The following ATP8B4 variants were observed in gnomAD, a reference collection of about 807,000 sequenced individuals.
The protein encoded by ATP8B4 is ATPase phospholipid transporting 8B4 (putative), also known as probable phospholipid-transporting ATPase IM.
ATP8B4 carries 133 observed loss-of-function variants against 145.6 expected under a neutral mutation model. That is an observed-to-expected ratio of 0.91 (90% CI 0.79 to 1.05). The LOEUF (loss-of-function observed/expected upper bound fraction) is 1.05, where lower values mean the gene tolerates loss of function less well. Ranked by LOEUF, ATP8B4 falls within the 50% of genes least tolerant of loss-of-function variation. ATP8B4 has a pLI of 0.00. For synonymous variants in ATP8B4, 507 were observed against 492.9 expected, an observed-to-expected ratio of 1.03 and a Z score of -0.38; for missense variants, 1,458 against 1,425.2, an observed-to-expected ratio of 1.02 and a Z score of -0.37.
intron 1 of ATP8B4, among the ~76,000 whole-genome samples, chr15:50,124,861 C>A (rs1349352647): frequency 6.6e-6 from 1 of 152,116 alleles, no homozygotes; most frequent in African/African-American, 2.4e-5. Context: ...ACTAGATGAC[C>A]CAGCTTTAAA....
chr15:50,125,390 C>T (rs755982183), intron 1 of ATP8B4, among the ~76,000 whole-genome samples: 9 of 152,176 alleles, frequency 5.9e-5, no homozygotes, highest in Admixed American at 1.3e-4. Flanking sequence ...AAATTTCCTA[C>T]CCCTTATATG....
rs767542652 is a variant in ATP8B4 at position 49,916,914 on chromosome 15, C to T, written c.2141+20G>A. The stretch of plus-strand genomic sequence containing the variant: ...CTCCCTCTCGTCCTTCCATCCTTTC[C>T]TCCTTCCTTCAACACCTACCTGAGT... On this transcript the variant is annotated intron_variant, in intron 20 of 27. Transcript: ENST00000284509. 2 of 1,601,922 alleles carry T rather than the reference C, an allele frequency of 1.2e-6. No individual in the cohort carries two copies. The highest frequency in any genetic ancestry group is 1.3e-5 in the African/African-American group (1 of 74,718).
intron 3 of ATP8B4, among the ~76,000 whole-genome samples, chr15:50,070,176 T>C (rs1364060982): frequency 6.6e-6 from 1 of 152,174 alleles, no homozygotes; most frequent in African/African-American, 2.4e-5. Context: ...TTATTAGCAC[T>C]CTCCCTGGGA....
At chr15:49,997,248 A>C (rs2047506897) in intron 8 of ATP8B4, among the ~76,000 whole-genome samples, 1 of 152,148 alleles carries the variant, frequency 6.6e-6, no homozygotes, top group Non-Finnish European at 1.5e-5. Flanking sequence ...TCAATCCAAG[A>C]AACCCATAAG....
intron 15 of ATP8B4, among the ~76,000 whole-genome samples, chr15:49,932,187 G>T (rs958321978): frequency 6.6e-6 from 1 of 151,712 alleles, no homozygotes; most frequent in Admixed American, 6.6e-5. Flanking sequence ...CATATTAATG[G>T]CTATACTATG....
intron 1 of ATP8B4, among the ~76,000 whole-genome samples, chr15:50,141,362 C>G (rs1163019060): frequency 2.6e-5 from 4 of 151,808 alleles, no homozygotes; most frequent in African/African-American, 9.7e-5. Context: ...TGATCCTGGG[C>G]CATGGTTTTT....
chr15:49,886,953 G>A (rs1009373548), intron 23 of ATP8B4, among the ~76,000 whole-genome samples: 3 of 152,040 alleles, frequency 2.0e-5, no homozygotes, highest in Non-Finnish European at 4.4e-5. Flanking sequence ...GGGATTACAG[G>A]TGCCTGCCAC....
intron 1 of ATP8B4, among the ~76,000 whole-genome samples, chr15:50,166,794 A>G (rs1424991802): frequency 6.6e-6 from 1 of 152,156 alleles, no homozygotes; most frequent in East Asian, 1.9e-4. Context: ...AGAAGGAGGT[A>G]ATCACATGCC....
intron 6 of ATP8B4, among the ~76,000 whole-genome samples, chr15:50,021,446 C>A (rs536889897): frequency 5.9e-5 from 9 of 152,296 alleles, no homozygotes; most frequent in Non-Finnish European, 1.3e-4. Flanking sequence ...TTCAGCACTC[C>A]CCTTTATCAC....
intron 24 of ATP8B4, among the ~76,000 whole-genome samples, chr15:49,879,069 C>T (rs2034967152): frequency 6.6e-6 from 1 of 152,122 alleles, no homozygotes; most frequent in Non-Finnish European, 1.5e-5. Context: ...TTGGGAAATG[C>T]TGGGTTAAAA....
At chr15:49,987,332 T>C (rs1357277387) in intron 10 of ATP8B4, 59 bp downstream of exon 10, 12 of 1,558,962 alleles carry the variant, frequency 7.7e-6, no homozygotes, top group Non-Finnish European at 1.1e-5. Context: ...TCATAGACTG[T>C]GCTGGTGTAC....
intron 6 of ATP8B4, among the ~76,000 whole-genome samples, chr15:50,016,850 C>G (rs1250838274): frequency 1.3e-5 from 2 of 152,144 alleles, no homozygotes; most frequent in Non-Finnish European, 1.5e-5. Flanking sequence ...AGCAAAACAT[C>G]CACTACAAAC....
At chr15:49,883,137 T>C (rs1289753521) in intron 23 of ATP8B4, 3 of 146,934 alleles carry the variant, frequency 2.0e-5, no homozygotes, top group Non-Finnish European at 3.0e-5. Flanking sequence ...GGAATTACAC[T>C]CACTTCCATT....
At chr15:50,072,980 CTATA>C (rs374525582) in intron 3 of ATP8B4, among the ~76,000 whole-genome samples, 372 of 22,722 alleles carry the variant, frequency 0.016, 6 homozygotes, top group Middle Eastern at 0.038. Context: ...CTCTCTCTCT[CTATA>C]TATATATATA....
At chr15:50,081,115 GA>G (rs36059633) in intron 2 of ATP8B4, among the ~76,000 whole-genome samples, 39 of 131,312 alleles carry the variant, frequency 3.0e-4, no homozygotes, top group Non-Finnish European at 3.4e-4. Context: ...TACGTCTCAA[GA>G]AAAAAAAAAA....
chr15:50,047,248 G>A (rs2051795260), intron 4 of ATP8B4, 103 bp downstream of exon 4: 4 of 696,252 alleles, frequency 5.7e-6, no homozygotes, highest in Non-Finnish European at 9.8e-6. Flanking sequence ...AAGGATGATT[G>A]TACCTAATCA....
At chr15:49,865,805 T>C (rs1331329440) in intron 26 of ATP8B4, among the ~76,000 whole-genome samples, 1 of 152,210 alleles carries the variant, frequency 6.6e-6, no homozygotes, top group Non-Finnish European at 1.5e-5. Context: ...ACACAGCTTG[T>C]TAAGTGGCAC....
At chr15:50,021,720 G>A (rs1219816600) in intron 6 of ATP8B4, among the ~76,000 whole-genome samples, 2 of 152,004 alleles carry the variant, frequency 1.3e-5, no homozygotes, top group African/African-American at 4.8e-5. Flanking sequence ...TTTACATTTT[G>A]TTTATTATGT....
chr15:50,015,646 CAA>C (rs2049034272), intron 6 of ATP8B4, among the ~76,000 whole-genome samples: 1 of 152,194 alleles, frequency 6.6e-6, no homozygotes, highest in African/African-American at 2.4e-5. Context: ...TCCCCTGACA[CAA>C]ACACTCAGTG....
Sources: gnomAD v4.1 joint callset for allele counts (sites outside exome capture counted in the v4.1 genomes callset) on GRCh38, gnomAD v4.1.1 for gene constraint, MANE v1.5 for transcripts, NCBI Gene and HGNC (gene_info 2026-07-23, HGNC 2026-07-21) for gene names.